Variants in SMAD6 observed in about 807,000 individuals in gnomAD.
SMAD6 encodes the protein SMAD family member 6, also known as MAD homolog 6.
A neutral mutation model predicts 39.4 loss-of-function variants in SMAD6; 103 were observed. The observed-to-expected ratio is 2.62, with a 90% CI of 2.23 to 3.08. The LOEUF (loss-of-function observed/expected upper bound fraction) is 3.08, where lower values mean the gene tolerates loss of function less well. Ranked by LOEUF, SMAD6 falls within the 30% of genes most tolerant of loss-of-function variation. The pLI, the probability that SMAD6 is intolerant of heterozygous loss-of-function variation, is 0.00. For missense variants in SMAD6, 1,104 were observed against 742.9 expected (o/e 1.49, Z -5.65); for synonymous variants, 445 against 353.3 (o/e 1.26, Z -2.91).
chr15:66,776,525 A>T (rs1324042381), intron 3 of SMAD6, among the ~76,000 whole-genome samples: 2 of 152,218 alleles, frequency 1.3e-5, no homozygotes, highest in African/African-American at 4.8e-5. Context: ...TCTCACTGTG[A>T]AACCTTTTGG....
At position 66,703,476 on chromosome 15, in the gene SMAD6, GACAGCGAGGCGCCCAGGGC is replaced by G; in HGVS notation, c.219_237del (p.Gln74ArgfsTer45). ...CCGCGGCGGCCCCGGGACGCAGTGG[GACAGCGAGGCGCCCAGGGC>G]GCGGGGAGGCGCCGGCGCGCAGGGG... On this transcript the variant is annotated frameshift_variant, in exon 1 of 4. Transcript: ENST00000288840. LOFTEE classifies it high-confidence loss of function. 8.1e-7 allele frequency: 1 copy of G among 1,241,260 alleles called. No homozygotes were observed. Among genetic ancestry groups the G allele is most frequent in the Non-Finnish European group, 1.0e-6 (1 of 988,666 alleles). 76.9% of individuals were successfully genotyped at this position (1,241,260 alleles called of 1,614,324 possible).
chr15:66,743,441 C>T (rs978258018), intron 3 of SMAD6, among the ~76,000 whole-genome samples: 6 of 151,972 alleles, frequency 3.9e-5, no homozygotes, highest in Non-Finnish European at 8.8e-5. Flanking sequence ...AATGAGATCA[C>T]GTATGCCCAT....
intron 2 of SMAD6, among the ~76,000 whole-genome samples, chr15:66,714,177 TAGCCTGTGATAAAGC>T (rs1397927474): frequency 6.6e-6 from 1 of 152,218 alleles, no homozygotes; most frequent in Non-Finnish European, 1.5e-5. Flanking sequence ...TTTTGTCAGT[TAGCCTGTGATAAAGC>T]AGCAAAAATC....
In SMAD6 at chr15:66,728,146, C is replaced by T. The variant is rs140740297; in HGVS notation, c.952+11648C>T. 6.1e-3 allele frequency among the ~76,000 whole-genome samples: 922 copies of T among 152,322 alleles called. 8 individuals are homozygous for T. The highest frequency in any genetic ancestry group is 0.02 in the African/African-American group (844 of 41,566). ...GGGATTACTGGCGTGAGCCACACCACGCCTGGCCAAAGTGAGCTTTCTTGT... is the reference window on the plus strand; with the variant it reads ...GGGATTACTGGCGTGAGCCACACCATGCCTGGCCAAAGTGAGCTTTCTTGT... On this transcript the variant is annotated intron_variant, in intron 3 of 3. Transcript: ENST00000288840.
intron 3 of SMAD6, among the ~76,000 whole-genome samples, chr15:66,748,746 ACTTG>A (rs1893949370): frequency 6.6e-6 from 1 of 151,950 alleles, no homozygotes; most frequent in African/African-American, 2.4e-5. Context: ...CTGTTCCCTA[ACTTG>A]CTTTTGCCCA....
At position 66,781,267 on chromosome 15, in the gene SMAD6, A is replaced by G. The variant is rs993577734; in HGVS notation, c.1223A>G (p.His408Arg). ...DGVWAYNRGE[H>R]PIFVNSPTLD... ...GTGTGGGCCTACAACCGCGGCGAGC[A>G]CCCCATCTTCGTCAACTCCCCGACG... The change falls in exon 4 of 4, where the codon CAC becomes CGC. Residue 408 changes from histidine to arginine, a missense_variant. Physicochemically the swap from His to Arg is conservative, Grantham distance 29 (BLOSUM62 0). Coordinates refer to ENST00000288840, the MANE Select transcript of SMAD6 (RefSeq NM_005585.5). 7 of 1,607,262 alleles carry G rather than the reference A, an allele frequency of 4.4e-6. No individual in the cohort carries two copies. Among genetic ancestry groups the G allele is most frequent in the Admixed American group, 1.7e-5 (1 of 59,894 alleles).
intron 1 of SMAD6, chr15:66,707,937 CTT>C (rs1331807326): frequency 6.6e-6 from 1 of 152,312 alleles, no homozygotes; most frequent in African/African-American, 2.4e-5. Flanking sequence ...GCTGTGAACT[CTT>C]TTCTGGCTTT....
At chr15:66,755,677 A>G (rs1299633590) in intron 3 of SMAD6, among the ~76,000 whole-genome samples, 3 of 152,186 alleles carry the variant, frequency 2.0e-5, no homozygotes, top group Non-Finnish European at 4.4e-5. Flanking sequence ...TCCAGGTGGA[A>G]GAGCCCCTAG....
At chr15:66,749,102 A>G (rs985226287) in intron 3 of SMAD6, among the ~76,000 whole-genome samples, 1 of 152,284 alleles carries the variant, frequency 6.6e-6, no homozygotes. Context: ...AGATGGGCAG[A>G]TTGCTTGAGC....
chr15:66,765,690 C>T (rs528731732), intron 3 of SMAD6, among the ~76,000 whole-genome samples: 4 of 152,268 alleles, frequency 2.6e-5, no homozygotes, highest in East Asian at 1.9e-4. Flanking sequence ...CAAGAGAAAC[C>T]GAGTCACATT....
At chr15:66,709,031 C>T (rs1004596340) in intron 1 of SMAD6, among the ~76,000 whole-genome samples, 1 of 152,228 alleles carries the variant, frequency 6.6e-6, no homozygotes, top group African/African-American at 2.4e-5. Context: ...TGGGCAGGTC[C>T]TTCAGCAAGT....
intron 3 of SMAD6, among the ~76,000 whole-genome samples, chr15:66,729,802 C>T (rs958973587): frequency 7.9e-5 from 12 of 152,188 alleles, no homozygotes; most frequent in Admixed American, 2.6e-4. Context: ...GGGCCGTGCA[C>T]ACAGCGACAT....
intron 3 of SMAD6, among the ~76,000 whole-genome samples, chr15:66,726,905 G>A (rs1395993786): frequency 6.6e-6 from 1 of 151,750 alleles, no homozygotes; most frequent in East Asian, 1.9e-4. Flanking sequence ...TGACTCTAAT[G>A]CGCAGCCTGG....
intron 2 of SMAD6, among the ~76,000 whole-genome samples, chr15:66,713,818 C>T (rs1233395099): frequency 6.6e-6 from 1 of 152,162 alleles, no homozygotes; most frequent in Non-Finnish European, 1.5e-5. Flanking sequence ...TATTGTTGTT[C>T]CAGAAGTAGG....
At chr15:66,731,163 G>A (rs12912228) in intron 3 of SMAD6, among the ~76,000 whole-genome samples, 1 of 152,200 alleles carries the variant, frequency 6.6e-6, no homozygotes, top group African/African-American at 2.4e-5. Context: ...GTGAGGCCGG[G>A]CGCGGTGGCT....
At chr15:66,780,851 C>T (rs1894545684) in intron 3 of SMAD6, 146 bp from the exon 4 acceptor site, 1 of 710,714 alleles carries the variant, frequency 1.4e-6, no homozygotes, top group African/African-American at 1.8e-5. Context: ...CTGAGGACAA[C>T]CTGGCACACG....
chr15:66,771,088 G>A (rs887080954), intron 3 of SMAD6, among the ~76,000 whole-genome samples: 1 of 152,206 alleles, frequency 6.6e-6, no homozygotes, highest in Non-Finnish European at 1.5e-5. Flanking sequence ...GTCTTAGCGG[G>A]TGGGAGACGA....
intron 3 of SMAD6, among the ~76,000 whole-genome samples, chr15:66,763,434 T>A (rs1464085851): frequency 6.6e-6 from 1 of 152,198 alleles, no homozygotes; most frequent in Non-Finnish European, 1.5e-5. Context: ...CATTCTCTCG[T>A]CAGTGCCGCC....
At chr15:66,720,479 G>A (rs1893412943) in intron 3 of SMAD6, among the ~76,000 whole-genome samples, 1 of 152,130 alleles carries the variant, frequency 6.6e-6, no homozygotes, top group South Asian at 2.1e-4. Flanking sequence ...GAAGTGGCAG[G>A]GCTGCTTAAG....
Sources: gnomAD v4.1 joint callset for allele counts (sites outside exome capture counted in the v4.1 genomes callset) on GRCh38, gnomAD v4.1.1 for gene constraint, MANE v1.5 for transcripts, NCBI Gene and HGNC (gene_info 2026-07-23, HGNC 2026-07-21) for gene names.